Variants in RBFOX1 observed in about 807,000 individuals in gnomAD.
The protein encoded by RBFOX1 is RNA binding protein fox-1 homolog 1.
RBFOX1 carries 8 observed loss-of-function variants against 57.7 expected under a neutral mutation model. The ratio of observed to expected loss-of-function variants is 0.14; its 90% CI spans 0.08 to 0.25. The LOEUF (loss-of-function observed/expected upper bound fraction) is 0.25. RBFOX1 is among the 10% of genes least tolerant of loss of function. The pLI is 1.00. For missense variants in RBFOX1, 611 were observed against 548.5 expected, an observed-to-expected ratio of 1.11 and a Z score of -1.14; for synonymous variants, 326 against 222.4, an observed-to-expected ratio of 1.47 and a Z score of -4.15.
intron 12 of RBFOX1, among the ~76,000 whole-genome samples, chr16:7,658,361 T>C (rs919991946): frequency 4.6e-5 from 7 of 152,142 alleles, no homozygotes; most frequent in East Asian, 1.9e-4. Flanking sequence ...AATATGTAGA[T>C]TGAAAATACA....
intron 2 of RBFOX1, among the ~76,000 whole-genome samples, chr16:6,500,613 A>G (rs1314776373): frequency 3.3e-5 from 5 of 152,156 alleles, no homozygotes; most frequent in Non-Finnish European, 7.3e-5. Flanking sequence ...AAAAGAGCCA[A>G]GGTGAAGAGG....
chr16:5,313,270 T>C (rs1405674463), intron 1 of RBFOX1, among the ~76,000 whole-genome samples: 2 of 152,120 alleles, frequency 1.3e-5, no homozygotes, highest in Non-Finnish European at 2.9e-5. Context: ...CAAAGTCCTC[T>C]GGGAGGTCTC....
At chr16:5,402,839 C>T (rs1268777931) in intron 1 of RBFOX1, among the ~76,000 whole-genome samples, 2 of 152,102 alleles carry the variant, frequency 1.3e-5, no homozygotes, top group South Asian at 2.1e-4. Flanking sequence ...TCCCTCCAAC[C>T]GTCCATCCAA....
chr16:7,000,596 C>CTTTTTTTTTTTTTTTTTTT (rs759103545), intron 3 of RBFOX1, among the ~76,000 whole-genome samples: 11 of 92,596 alleles, frequency 1.2e-4, no homozygotes, highest in African/African-American at 3.4e-4. Context: ...CTTTTTCTTT[C>CTTTTTTTTTTTTTTTTTTT]TTTTTTTTTT....
At chr16:7,093,634 C>T (rs911489980) in intron 4 of RBFOX1, among the ~76,000 whole-genome samples, 4 of 152,152 alleles carry the variant, frequency 2.6e-5, no homozygotes, top group Admixed American at 6.5e-5. Context: ...AATGGGAGCT[C>T]ATTTGTGACT....
At chr16:5,790,496 G>T (rs1325266321) in intron 3 of RBFOX1, among the ~76,000 whole-genome samples, 1 of 140,864 alleles carries the variant, frequency 7.1e-6, no homozygotes, top group Non-Finnish European at 1.5e-5. Flanking sequence ...AAGATGCAAG[G>T]AAAACAATAT....
chr16:6,025,790 G>A (rs1026239834), intron 1 of RBFOX1, among the ~76,000 whole-genome samples: 6 of 152,224 alleles, frequency 3.9e-5, no homozygotes, highest in Non-Finnish European at 7.3e-5. Flanking sequence ...TTAGAAGGTT[G>A]AGGTGCAATT....
At chr16:5,254,188 T>C (rs1039824148) in intron 1 of RBFOX1, among the ~76,000 whole-genome samples, 12 of 152,212 alleles carry the variant, frequency 7.9e-5, no homozygotes, top group African/African-American at 2.7e-4. Context: ...TCAGGAACAT[T>C]ATGTAACTTG....
intron 3 of RBFOX1, among the ~76,000 whole-genome samples, chr16:5,774,280 C>G (rs2054075196): frequency 6.6e-6 from 1 of 152,180 alleles, no homozygotes; most frequent in African/African-American, 2.4e-5. Context: ...GACCAACATT[C>G]CTTTTCTGTT....
In RBFOX1 at chr16:7,054,202, AT is replaced by A. The variant is rs1379393511; in HGVS notation, c.27+2114del. 1.2e-3 allele frequency among the ~76,000 whole-genome samples: 61 copies of A among 50,730 alleles called. 1 individual carries two copies. Among genetic ancestry groups the A allele is most frequent in the African/African-American group, 4.7e-3 (46 of 9,774 alleles). The allele number at this position is 50,730 out of a possible 152,430, so 33.3% of individuals were successfully genotyped here. A position where few individuals can be genotyped will look rare whatever the true frequency, so the allele number is the denominator to read the frequency against. On this transcript the variant is annotated intron_variant, in intron 4 of 15. Transcript: ENST00000550418. ...AAAGAAAACTTCCCTTATTAAGGTG[AT>A]TTTTTTTTTCGGGGGGGGGGGGCGG...
At chr16:7,607,228 A>C in intron 9 of RBFOX1, 57 bp from the exon 10 acceptor site, 2 of 1,457,576 alleles carry the variant, frequency 1.4e-6, no homozygotes, top group Non-Finnish European at 1.9e-6. Flanking sequence ...TTCATTTGCA[A>C]TTATATAAGA....
intron 4 of RBFOX1, among the ~76,000 whole-genome samples, chr16:7,232,901 C>T (rs1251003416): frequency 6.6e-6 from 1 of 151,290 alleles, no homozygotes; most frequent in Non-Finnish European, 1.5e-5. Flanking sequence ...AAGAACTTAC[C>T]TAGCACATGA....
rs367763019 is a variant in RBFOX1 at position 6,857,964 on chromosome 16, G to A, written c.-15-194093G>A. Among the ~76,000 whole-genome samples, 8 of 152,168 alleles carry A rather than the reference G, an allele frequency of 5.3e-5. No homozygotes were observed. The South Asian group carries it at 8.3e-4, about 16-fold the overall frequency. ...AGCATCAAGACAATACTGGTTTTTC[G>A]TAGGTCAGATGAAGTTGAGAGGGAG... On this transcript the variant is annotated intron_variant, in intron 3 of 15. Coordinates refer to ENST00000550418, the MANE Select transcript of RBFOX1 (RefSeq NM_018723.4).
intron 2 of RBFOX1, among the ~76,000 whole-genome samples, chr16:6,491,634 T>A (rs1010783669): frequency 3.3e-5 from 5 of 152,180 alleles, no homozygotes; most frequent in African/African-American, 1.2e-4. Flanking sequence ...CTGTACTAAT[T>A]CCCAGATGTG....
chr16:5,374,459 G>A (rs1250232492), intron 1 of RBFOX1, among the ~76,000 whole-genome samples: 3 of 152,148 alleles, frequency 2.0e-5, no homozygotes, highest in Non-Finnish European at 4.4e-5. Context: ...GGAGCCCTGT[G>A]AGAAAAGACA....
chr16:5,800,057 A>G (rs1461888674), intron 3 of RBFOX1, among the ~76,000 whole-genome samples: 1 of 151,956 alleles, frequency 6.6e-6, no homozygotes, highest in Admixed American at 6.6e-5. Context: ...ATATATATGT[A>G]TAAGTATATA....
chr16:6,146,378 A>T (rs1381393504), intron 1 of RBFOX1, among the ~76,000 whole-genome samples: 1 of 152,206 alleles, frequency 6.6e-6, no homozygotes, highest in Non-Finnish European at 1.5e-5. Context: ...AAAATTGTAG[A>T]TCAGCTGTTT....
intron 3 of RBFOX1, among the ~76,000 whole-genome samples, chr16:6,924,576 T>C (rs531714392): frequency 6.6e-6 from 1 of 152,176 alleles, no homozygotes; most frequent in Non-Finnish European, 1.5e-5. Flanking sequence ...ATATCCAAAC[T>C]GTATCACCGA....
intron 14 of RBFOX1, among the ~76,000 whole-genome samples, chr16:7,698,525 C>T (rs562702080): frequency 6.6e-6 from 1 of 152,224 alleles, no homozygotes; most frequent in South Asian, 2.1e-4. Context: ...ATCCCCACTT[C>T]TCAACCTACA....
Sources: allele counts gnomAD v4.1 joint callset (sites outside exome capture counted in the v4.1 genomes callset), GRCh38; gene constraint gnomAD v4.1.1; transcripts MANE v1.5; gene names NCBI Gene and HGNC (gene_info 2026-07-23, HGNC 2026-07-21).